ZDHHC17: variants seen among roughly 807,000 people sequenced by gnomAD.
The protein encoded by ZDHHC17 is palmitoyltransferase ZDHHC17.
In ZDHHC17, 40 loss-of-function variants were observed where a neutral mutation model predicts 90.3. The observed-to-expected ratio is 0.44, with a 90% CI of 0.34 to 0.58. The LOEUF is 0.58. Ranked by LOEUF, ZDHHC17 falls within the 20% of genes least tolerant of loss-of-function variation. ZDHHC17 has a pLI of 0.01. For synonymous variants in ZDHHC17, 235 were observed against 252.4 expected, an observed-to-expected ratio of 0.93 and a Z score of 0.65; for missense variants, 614 against 780.8, an observed-to-expected ratio of 0.79 and a Z score of 2.55.
At chr12:76,799,825 C>A (rs190525779) in intron 2 of ZDHHC17, among the ~76,000 whole-genome samples, 1 of 152,242 alleles carries the variant, frequency 6.6e-6, no homozygotes, top group Non-Finnish European at 1.5e-5. Flanking sequence ...GTCCCTTATT[C>A]AAAATGCCTG....
At position 76,842,900 on chromosome 12, in the gene ZDHHC17, T is replaced by C; in HGVS notation, c.1267-19T>C. On this transcript the variant is annotated intron_variant, in intron 11 of 16. Coordinates refer to ENST00000426126, the MANE Select transcript of ZDHHC17 (RefSeq NM_015336.4). ...GCATTGTTCAGTTTTGAATTAAATATTATTTTTTTAATTCACAGACAATAG... is the reference window on the plus strand; with the variant it reads ...GCATTGTTCAGTTTTGAATTAAATACTATTTTTTTAATTCACAGACAATAG... 3 of 1,579,700 alleles carry C rather than the reference T, an allele frequency of 1.9e-6. No homozygotes were observed. In the South Asian group the frequency reaches 3.4e-5, roughly 18 times the overall value.
At chr12:76,822,955 A>G (rs1953183906) in intron 8 of ZDHHC17, among the ~76,000 whole-genome samples, 1 of 152,114 alleles carries the variant, frequency 6.6e-6, no homozygotes, top group Non-Finnish European at 1.5e-5. Flanking sequence ...GGCATTTCTC[A>G]ATGTAATTTT....
At chr12:76,820,408 A>T (rs1309218201) in intron 7 of ZDHHC17, among the ~76,000 whole-genome samples, 2 of 152,138 alleles carry the variant, frequency 1.3e-5, no homozygotes, top group South Asian at 2.1e-4. Context: ...ATTTGTGATT[A>T]AAAAAATAAT....
chr12:76,808,629 A>G (rs565573045), intron 3 of ZDHHC17, among the ~76,000 whole-genome samples: 1 of 152,338 alleles, frequency 6.6e-6, no homozygotes, highest in South Asian at 2.1e-4. Flanking sequence ...ATATTATTTG[A>G]TTTAATCTAC....
intron 1 of ZDHHC17, among the ~76,000 whole-genome samples, chr12:76,781,161 A>G (rs1446350470): frequency 6.6e-6 from 1 of 151,266 alleles, no homozygotes; most frequent in Non-Finnish European, 1.5e-5. Flanking sequence ...AAAATCTGAT[A>G]AATCCAAGTA....
intron 2 of ZDHHC17, among the ~76,000 whole-genome samples, chr12:76,803,498 A>G (rs1034599757): frequency 1.3e-5 from 2 of 152,222 alleles, no homozygotes; most frequent in East Asian, 1.9e-4. Flanking sequence ...TGCTGAGGCA[A>G]TGGTAATTAC....
At chr12:76,767,256 G>A (rs898028630) in intron 1 of ZDHHC17, among the ~76,000 whole-genome samples, 1 of 152,082 alleles carries the variant, frequency 6.6e-6, no homozygotes, top group African/African-American at 2.4e-5. Flanking sequence ...GATCTTGCAG[G>A]AACAAATTTC....
rs868260384 is a variant in ZDHHC17 at position 76,849,403 on chromosome 12, G to T, written c.1693G>T (p.Glu565Ter). ...QISCLGITTNERMNARRYKHF... is the reference protein window; with the variant it reads ...QISCLGITTN ...ATCATGTTTAGGTATTACTACAAAT[G>T]AAAGAATGAATGCCAGGAGATACAA... The change falls in exon 16 of 17, where the codon GAA becomes TAA. Residue 565 changes from glutamate (E) to a stop codon, truncating the protein, a stop_gained. Transcript: ENST00000426126. LOFTEE classifies it high-confidence loss of function. 1 of 1,531,298 alleles carries T rather than the reference G, an allele frequency of 6.5e-7. No homozygotes were observed. The highest frequency in any genetic ancestry group is 8.8e-7 in the Non-Finnish European group (1 of 1,133,638). 94.9% of individuals were successfully genotyped at this position (1,531,298 alleles called of 1,614,324 possible). A position where few individuals can be genotyped will look rare whatever the true frequency, so the allele number is the denominator to read the frequency against.
intron 7 of ZDHHC17, among the ~76,000 whole-genome samples, chr12:76,819,804 C>T (rs965980790): frequency 1.3e-5 from 2 of 151,968 alleles, no homozygotes; most frequent in South Asian, 2.1e-4. Context: ...CGAGACCAGC[C>T]TCAACATGGA....
chr12:76,842,104 A>G lies in ZDHHC17; in HGVS notation c.1264A>G (p.Lys422Glu). 6.4e-7 allele frequency: 1 copy of G among 1,573,800 alleles called. No homozygotes were observed. Among genetic ancestry groups the G allele is most frequent in the African/African-American group, 1.4e-5 (1 of 72,540 alleles). The change falls in exon 11 of 17, where the codon AAG becomes GAG. Residue 422 changes from lysine (K) to glutamate (E), a missense_variant and splice_region_variant. Physicochemically the swap from Lys to Glu is moderately conservative, Grantham distance 56. Transcript: ENST00000426126. Reference protein sequence around the residue: ...IIKATEEQKKKTIVELAETGS... With the variant: ...IIKATEEQKKETIVELAETGS... ...TAAAGCAACAGAAGAGCAAAAGAAA[A>G]AGGTAGCAAAATACCAACTAAGTCA...
intron 3 of ZDHHC17, among the ~76,000 whole-genome samples, chr12:76,806,201 C>T (rs1351041647): frequency 2.0e-5 from 3 of 151,982 alleles, no homozygotes; most frequent in Admixed American, 6.5e-5. Context: ...CTCAAGCGAT[C>T]CTCCCACCTC....
At position 76,829,455 on chromosome 12, in the gene ZDHHC17, CAAAAAAAAAAA is replaced by C. The variant is rs58051393; in HGVS notation, c.1141+984_1141+994del. Among the ~76,000 whole-genome samples the C allele has an allele frequency of 2.7e-3, 197 of 71,932 alleles. 1 individual carries two copies. The highest frequency in any genetic ancestry group is 0.012 in the African/African-American group (187 of 15,674). The allele number at this position is 71,932 out of a possible 152,430, so 47.2% of individuals were successfully genotyped here. ...TGGGTGACAGAGTGAGACTATGTCT[CAAAAAAAAAAA>C]AAAAAAAAAAAAAAAAAAGAACTAC... On this transcript the variant is annotated intron_variant, in intron 10 of 16. Coordinates refer to ENST00000426126, the MANE Select transcript of ZDHHC17 (RefSeq NM_015336.4).
chr12:76,776,871 A>T (rs1028587266), intron 1 of ZDHHC17, among the ~76,000 whole-genome samples: 3 of 152,148 alleles, frequency 2.0e-5, no homozygotes, highest in African/African-American at 7.2e-5. Flanking sequence ...TTACTGTGTA[A>T]CTTTTTATTG....
Position 76,851,138 on chromosome 12 carries a change from A to G in ZDHHC17, c.*153A>G. 1 of 869,752 alleles carries G rather than the reference A, an allele frequency of 1.1e-6. No individual in the cohort carries two copies. The highest frequency in any genetic ancestry group is 1.8e-5 in the South Asian group (1 of 54,198). The allele number at this position is 869,752 out of a possible 1,614,324, so 53.9% of individuals were successfully genotyped here. ...TTACAGTCTTTTTTTCAACACTTTTATTAACAAAAGTAAACATGGACAGAA... is the reference window on the plus strand; with the variant it reads ...TTACAGTCTTTTTTTCAACACTTTTGTTAACAAAAGTAAACATGGACAGAA... On this transcript the variant is annotated 3_prime_UTR_variant, in exon 17 of 17. Transcript: ENST00000426126.
At chr12:76,798,532 G>A (rs1425020673) in intron 2 of ZDHHC17, among the ~76,000 whole-genome samples, 1 of 150,720 alleles carries the variant, frequency 6.6e-6, no homozygotes, top group Non-Finnish European at 1.5e-5. Context: ...GCAATAGAAT[G>A]AGACCCTGTC....
intron 7 of ZDHHC17, among the ~76,000 whole-genome samples, chr12:76,818,532 C>T (rs1019439883): frequency 2.6e-5 from 4 of 152,108 alleles, no homozygotes; most frequent in Non-Finnish European, 5.9e-5. Flanking sequence ...AGGACCACAT[C>T]CAGTGAGAGT....
chr12:76,818,556 C>G (rs1181651637), intron 7 of ZDHHC17, among the ~76,000 whole-genome samples: 1 of 152,136 alleles, frequency 6.6e-6, no homozygotes, highest in Non-Finnish European at 1.5e-5. Flanking sequence ...TTGGGAATGC[C>G]TCTGAGGAGA....
chr12:76,813,487 T>C (rs1380049830), intron 5 of ZDHHC17: 1 of 330,846 alleles, frequency 3.0e-6, no homozygotes, highest in Non-Finnish European at 6.0e-6. Flanking sequence ...GGAAATGCTT[T>C]ACTTATCTAA....
chr12:76,789,137 A>G (rs1361326642), intron 1 of ZDHHC17, among the ~76,000 whole-genome samples: 1 of 152,254 alleles, frequency 6.6e-6, no homozygotes, highest in Non-Finnish European at 1.5e-5. Flanking sequence ...GTCAAGAACC[A>G]TAAAAATATT....
Sources: gnomAD v4.1 joint callset for allele counts (sites outside exome capture counted in the v4.1 genomes callset) on GRCh38, gnomAD v4.1.1 for gene constraint, MANE v1.5 for transcripts, NCBI Gene and HGNC (gene_info 2026-07-23, HGNC 2026-07-21) for gene names.